Variants in PCDHA12 observed in about 807,000 individuals in gnomAD.
PCDHA12 encodes the protein protocadherin alpha-12.
In PCDHA12, 44 loss-of-function variants were observed where a neutral mutation model predicts 60.0. That is an observed-to-expected ratio of 0.73 (90% CI 0.58 to 0.94). PCDHA12 has a LOEUF of 0.94. PCDHA12 is among the 40% of genes least tolerant of loss of function. The pLI is 0.00. For missense variants in PCDHA12, 1,276 were observed against 1,239.7 expected (o/e 1.03, Z -0.44); for synonymous variants, 569 against 553.0 (o/e 1.03, Z -0.40).
intron 3 of PCDHA12, 119 bp from the exon 4 acceptor site, chr5:141,009,508 C>T (rs923907688): frequency 6.7e-7 from 1 of 1,496,530 alleles, no homozygotes; most frequent in African/African-American, 1.4e-5. Flanking sequence ...GAACAAACAA[C>T]TCGTGATTTT....
At chr5:140,986,823 A>G (rs2097214089) in intron 3 of PCDHA12, among the ~76,000 whole-genome samples, 1 of 152,166 alleles carries the variant, frequency 6.6e-6, no homozygotes, top group Admixed American at 6.5e-5. Context: ...TTTGGTTTAG[A>G]CAATGGTTCT....
chr5:140,885,385 T>C (rs2060578484), intron 1 of PCDHA12, among the ~76,000 whole-genome samples: 1 of 152,194 alleles, frequency 6.6e-6, no homozygotes, highest in South Asian at 2.1e-4. Flanking sequence ...TGGCAGTCCC[T>C]GCAAATCTAA....
chr5:140,884,500 G>C (rs782378726), intron 1 of PCDHA12: 10 of 1,614,004 alleles, frequency 6.2e-6, no homozygotes, highest in Admixed American at 3.3e-5. Flanking sequence ...GCTCCAGCGC[G>C]GCAGGGAGTT....
At chr5:140,917,650 T>C (rs897307157) in intron 1 of PCDHA12, among the ~76,000 whole-genome samples, 1 of 152,226 alleles carries the variant, frequency 6.6e-6, no homozygotes. Context: ...CCAGCAATAT[T>C]GAGTAGGAAG....
At position 140,928,541 on chromosome 5, in the gene PCDHA12, A is replaced by T. The variant is rs149868042; in HGVS notation, c.2368-50408A>T. Reference sequence around the variant, plus strand: ...AACTTGTTTGTGGTAGATAGGAATGACAATTATCCGGTTATCTTGTTTCCC... The same window carrying T: ...AACTTGTTTGTGGTAGATAGGAATGTCAATTATCCGGTTATCTTGTTTCCC... On this transcript the variant is annotated intron_variant, in intron 1 of 3. Transcript: ENST00000398631. 1,755 of 1,614,192 alleles carry T rather than the reference A, an allele frequency of 1.1e-3. 11 individuals carry two copies. In the African/African-American group the frequency reaches 0.015, roughly 13 times the overall value.
At chr5:140,964,199 A>C (rs1183847716) in intron 1 of PCDHA12, among the ~76,000 whole-genome samples, 1 of 152,240 alleles carries the variant, frequency 6.6e-6, no homozygotes, top group Admixed American at 6.5e-5. Context: ...AGAGTATACC[A>C]TCTCTTTAGT....
At chr5:140,989,527 G>A (rs1172019994) in intron 3 of PCDHA12, among the ~76,000 whole-genome samples, 1 of 152,192 alleles carries the variant, frequency 6.6e-6, no homozygotes, top group Non-Finnish European at 1.5e-5. Flanking sequence ...GGGCAGAGGA[G>A]GAAGATAGTT....
intron 1 of PCDHA12, among the ~76,000 whole-genome samples, chr5:140,885,206 A>G (rs1304868227): frequency 1.3e-5 from 2 of 152,038 alleles, no homozygotes; most frequent in Non-Finnish European, 2.9e-5. Context: ...CATATATCCC[A>G]TGAAAAATAT....
intron 1 of PCDHA12, among the ~76,000 whole-genome samples, chr5:140,933,411 T>C (rs1174569571): frequency 6.6e-6 from 1 of 152,084 alleles, no homozygotes; most frequent in Non-Finnish European, 1.5e-5. Flanking sequence ...CATCTACAGA[T>C]ATTCTGTGTT....
chr5:140,941,227 C>CTT (rs797022976), intron 1 of PCDHA12, among the ~76,000 whole-genome samples: 1 of 136,000 alleles, frequency 7.4e-6, no homozygotes, highest in African/African-American at 2.8e-5. Context: ...TTCTTTCTTT[C>CTT]TTTCTTTCTT....
intron 1 of PCDHA12, among the ~76,000 whole-genome samples, chr5:140,908,928 A>G (rs1426452860): frequency 6.6e-6 from 1 of 152,224 alleles, no homozygotes; most frequent in Non-Finnish European, 1.5e-5. Flanking sequence ...GGCCAAATGC[A>G]GCAACTTATC....
rs1389969210 is a variant in PCDHA12, at chr5:140,877,650, G to T, written c.2178G>T (p.Pro726=). The T allele has an allele frequency of 3.1e-6, 5 of 1,613,390 alleles. No individual in the cohort carries two copies. The African/African-American group carries it at 6.7e-5, about 22-fold the overall frequency. ...ACACTGCGCTGCGTTGCTCAGCGCC[G>T]CCCACCGTGAGCCGGTGCGCGCCGG... ...LLYTALRCSA[P]PTVSRCAPGK... The change falls in exon 1 of 4, where the codon CCG becomes CCT. Residue 726 remains proline (P), a synonymous_variant. Coordinates refer to ENST00000398631, the MANE Select transcript of PCDHA12 (RefSeq NM_018903.4).
chr5:140,947,784 T>C (rs2094176527), intron 1 of PCDHA12, among the ~76,000 whole-genome samples: 1 of 151,672 alleles, frequency 6.6e-6, no homozygotes, highest in Non-Finnish European at 1.5e-5. Context: ...AAATGGATTT[T>C]AAACAGACTT....
In PCDHA12 at chr5:140,984,898, A is replaced by G. The variant is rs551340383; in HGVS notation, c.2515+2335A>G. ...GTTACCATGAGAACTAAAGGAGAAA[A>G]AAAGAACTGAGCATAGTGCTTGACA... On this transcript the variant is annotated intron_variant, in intron 3 of 3. Transcript: ENST00000398631. Among the ~76,000 whole-genome samples, 21 of 152,282 alleles carry G rather than the reference A, an allele frequency of 1.4e-4. No individual in the cohort carries two copies. The South Asian group carries it at 4.4e-3, about 32-fold the overall frequency.
chr5:140,927,159 C>T (rs782468229), intron 1 of PCDHA12: 2 of 1,614,164 alleles, frequency 1.2e-6, no homozygotes, highest in South Asian at 2.2e-5. Context: ...TGTGCAGGGC[C>T]AAAGCTGCCT....
intron 3 of PCDHA12, among the ~76,000 whole-genome samples, chr5:140,987,219 A>G (rs1340141684): frequency 6.6e-6 from 1 of 151,240 alleles, no homozygotes; most frequent in African/African-American, 2.5e-5. Flanking sequence ...ATCTCAAAAA[A>G]AAAAAAAATA....
At chr5:141,002,557 CAGTT>C (rs2098085452) in intron 3 of PCDHA12, among the ~76,000 whole-genome samples, 1 of 152,180 alleles carries the variant, frequency 6.6e-6, no homozygotes, top group South Asian at 2.1e-4. Flanking sequence ...CAGGATCCAC[CAGTT>C]AGTGACCATG....
chr5:140,884,634 G>T (rs1263952131), intron 1 of PCDHA12: 2 of 1,612,298 alleles, frequency 1.2e-6, no homozygotes, highest in Middle Eastern at 1.6e-4. Context: ...ACAGGCCAGA[G>T]GGAGGAGGAC....
chr5:141,008,999 G>A (rs1389698923), intron 3 of PCDHA12, among the ~76,000 whole-genome samples: 1 of 152,200 alleles, frequency 6.6e-6, no homozygotes, highest in African/African-American at 2.4e-5. Context: ...ACTAAAAGGA[G>A]CATATTTTGC....
Sources: allele counts gnomAD v4.1 joint callset (sites outside exome capture counted in the v4.1 genomes callset), GRCh38; gene constraint gnomAD v4.1.1; transcripts MANE v1.5; gene names NCBI Gene and HGNC (gene_info 2026-07-23, HGNC 2026-07-21).